KDM3A: variants seen among roughly 807,000 people sequenced by gnomAD.
The protein encoded by KDM3A is lysine demethylase 3A.
Under a neutral mutation model 158.0 loss-of-function variants are expected in KDM3A, and 60 were observed. The observed-to-expected ratio is 0.38, with a 90% confidence interval of 0.31 to 0.47. The LOEUF (loss-of-function observed/expected upper bound fraction) is 0.47, where lower values mean the gene tolerates loss of function less well. KDM3A is among the 20% of genes least tolerant of loss of function. KDM3A has a pLI of 0.99. For synonymous variants in KDM3A, 608 were observed against 549.3 expected (o/e 1.11, Z -1.49); for missense variants, 1,319 against 1,574.3 (o/e 0.84, Z 2.74).
chr2:86,480,846 G>A (rs189149893), intron 16 of KDM3A, among the ~76,000 whole-genome samples: 193 of 152,316 alleles, frequency 1.3e-3, no homozygotes, highest in African/African-American at 4.5e-3. Flanking sequence ...CTTAGAAAGA[G>A]GAAAAGGAAT....
chr2:86,447,304 T>TC (rs952739789), intron 2 of KDM3A, among the ~76,000 whole-genome samples: 20 of 151,722 alleles, frequency 1.3e-4, no homozygotes, highest in African/African-American at 4.4e-4. Flanking sequence ...TTTTTTTTTT[T>TC]CAAATCACTC....
At chr2:86,491,684 CA>C (rs1184400934) in intron 25 of KDM3A, 3 of 304,398 alleles carry the variant, frequency 9.9e-6, no homozygotes, top group South Asian at 1.0e-4. Flanking sequence ...GTGGTATTTT[CA>C]AAAGGATTTC....
At chr2:86,452,301 C>T (rs1035588741) in intron 4 of KDM3A, among the ~76,000 whole-genome samples, 2 of 150,886 alleles carry the variant, frequency 1.3e-5, no homozygotes, top group South Asian at 2.1e-4. Context: ...AGATAAGCTT[C>T]ATTCGTCTGA....
At chr2:86,454,967 T>C in intron 4 of KDM3A, 118 bp from the exon 5 acceptor site, 1 of 582,472 alleles carries the variant, frequency 1.7e-6, no homozygotes, top group Non-Finnish European at 3.0e-6. Flanking sequence ...GGCTATCACA[T>C]GGTTTGTTGA....
intron 4 of KDM3A, among the ~76,000 whole-genome samples, chr2:86,454,412 T>G (rs1672600750): frequency 6.6e-6 from 1 of 152,190 alleles, no homozygotes; most frequent in African/African-American, 2.4e-5. Context: ...AAAAAAGGGC[T>G]GCCCATTATC....
chr2:86,455,953 C>CAAA (rs574299612), intron 5 of KDM3A, among the ~76,000 whole-genome samples: 3 of 56,152 alleles, frequency 5.3e-5, no homozygotes, highest in Non-Finnish European at 7.4e-5. Flanking sequence ...GACCCTGTCT[C>CAAA]AAAAAAAAAA....
intron 15 of KDM3A, 85 bp downstream of exon 15, chr2:86,478,820 C>A: frequency 1.5e-6 from 2 of 1,322,080 alleles, no homozygotes; most frequent in Admixed American, 1.9e-5. Flanking sequence ...TCTATCAGTG[C>A]ATTTGAAAGG....
At chr2:86,480,120 T>C (rs1340156727) in intron 15 of KDM3A, 47 bp from the exon 16 acceptor site, 4 of 1,401,000 alleles carry the variant, frequency 2.9e-6, no homozygotes, top group Non-Finnish European at 4.0e-6. Flanking sequence ...AAAAGGAAGC[T>C]GTCATTCTTC....
At chr2:86,444,745 C>T (rs57291816) in intron 2 of KDM3A, among the ~76,000 whole-genome samples, 20,415 of 152,100 alleles carry the variant, frequency 0.13, 1,494 homozygotes, top group Non-Finnish European at 0.16. Context: ...AGGACAAATA[C>T]AAGTCTGTCT....
At chr2:86,451,615 G>A (rs1209753678) in intron 4 of KDM3A, among the ~76,000 whole-genome samples, 3 of 152,100 alleles carry the variant, frequency 2.0e-5, no homozygotes, top group Admixed American at 6.6e-5. Context: ...TGACAGAGGT[G>A]GAAGGAAATC....
intron 2 of KDM3A, among the ~76,000 whole-genome samples, chr2:86,449,462 T>C (rs1224741398): frequency 6.6e-6 from 1 of 152,232 alleles, no homozygotes; most frequent in African/African-American, 2.4e-5. Context: ...TTCAAATTTT[T>C]GTCTTGCAAT....
chr2:86,488,245 A>G (rs550518299), intron 21 of KDM3A: 2 of 152,240 alleles, frequency 1.3e-5, no homozygotes, highest in South Asian at 4.2e-4. Context: ...TTTGCTTTTT[A>G]CTATGGAACT....
chr2:86,491,511 GAGAA>G, intron 25 of KDM3A: 1 of 517,126 alleles, frequency 1.9e-6, no homozygotes, highest in Non-Finnish European at 3.5e-6. Flanking sequence ...TGTCCCCACA[GAGAA>G]AGGCCTTAGT....
chr2:86,490,823 A>G, intron 23 of KDM3A, 58 bp from the exon 24 acceptor site: 1 of 1,348,962 alleles, frequency 7.4e-7, no homozygotes. Context: ...GAGGAAAAAA[A>G]TGGCTTATTG....
chr2:86,440,863 C>T (rs572938254), upstream of KDM3A: 1 of 152,532 alleles, frequency 6.6e-6, no homozygotes, highest in African/African-American at 2.4e-5. Context: ...CTGCCCTCCC[C>T]CGCTAACCCT....
chr2:86,464,359 A>G, intron 9 of KDM3A, 143 bp downstream of exon 9: 1 of 561,014 alleles, frequency 1.8e-6, no homozygotes, highest in East Asian at 3.0e-5. Context: ...TTTGAAGGTG[A>G]AAAGTATAGA....
chr2:86,478,824 T>C lies in KDM3A; in HGVS notation c.2316+89T>C, dbSNP rs112177410. Reference sequence around the variant, plus strand: ...ACCCAAGGATTTCTATCAGTGCATTTGAAAGGAACCTGGGGATAGCTATCA... The same window carrying C: ...ACCCAAGGATTTCTATCAGTGCATTCGAAAGGAACCTGGGGATAGCTATCA... On this transcript the variant is annotated intron_variant, in intron 15 of 25. Coordinates refer to ENST00000312912, the MANE Select transcript of KDM3A (RefSeq NM_018433.6). The C allele has an allele frequency of 9.2e-5, 118 of 1,283,734 alleles. No homozygotes were observed. The Middle Eastern group carries it at 1.4e-3, about 16-fold the overall frequency. 79.5% of individuals were successfully genotyped at this position (1,283,734 alleles called of 1,614,324 possible).
intron 12 of KDM3A, among the ~76,000 whole-genome samples, chr2:86,476,969 C>T (rs1164537150): frequency 6.6e-6 from 1 of 152,142 alleles, no homozygotes; most frequent in Non-Finnish European, 1.5e-5. Context: ...CAGGAGTCTC[C>T]TAGTCAGGAG....
In KDM3A at chr2:86,491,923, A is replaced by G. The variant is rs1674475900; in HGVS notation, c.3886-116A>G. The G allele has an allele frequency of 5.8e-6, 4 of 687,432 alleles. No individual in the cohort carries two copies. In the Admixed American group the frequency reaches 8.1e-5, roughly 14 times the overall value. The allele number at this position is 687,432 out of a possible 1,614,324, so 42.6% of individuals were successfully genotyped here. ...TTTGCAATGTTGACATTTCATACGA[A>G]TATTGAATTTTAAATTCTGAGAGAA... On this transcript the variant is annotated intron_variant, in intron 25 of 25. Coordinates refer to ENST00000312912, the MANE Select transcript of KDM3A (RefSeq NM_018433.6).
Sources: gnomAD v4.1 joint callset for allele counts (sites outside exome capture counted in the v4.1 genomes callset) on GRCh38, gnomAD v4.1.1 for gene constraint, MANE v1.5 for transcripts, NCBI Gene and HGNC (gene_info 2026-07-23, HGNC 2026-07-21) for gene names.